Variants in GALNT16 observed in about 807,000 individuals in gnomAD.
GALNT16 encodes the protein polypeptide N-acetylgalactosaminyltransferase 16, also known as UDP-GalNAc:polypeptide N-acetylgalactosaminyltransferase-like protein 1.
Under a neutral mutation model 76.1 loss-of-function variants are expected in GALNT16, and 40 were observed. The observed-to-expected ratio is 0.53, with a 90% CI of 0.41 to 0.68. GALNT16 has a LOEUF of 0.68. Ranked by LOEUF, GALNT16 falls within the 30% of genes least tolerant of loss-of-function variation. The pLI is 0.00. For synonymous variants in GALNT16, 276 were observed against 285.2 expected (o/e 0.97, Z 0.32); for missense variants, 621 against 731.9 (o/e 0.85, Z 1.75).
intron 7 of GALNT16, chr14:69,332,750 C>G (rs1241439630): frequency 8.0e-6 from 2 of 251,052 alleles, no homozygotes; most frequent in Non-Finnish European, 1.5e-5. Context: ...GTCTCTACTC[C>G]AAAGTCACCA....
intron 1 of GALNT16, among the ~76,000 whole-genome samples, chr14:69,263,394 C>T (rs941107498): frequency 6.6e-6 from 1 of 152,144 alleles, no homozygotes. Context: ...TTACTTTCTC[C>T]CTGCAATTTG....
intron 11 of GALNT16, among the ~76,000 whole-genome samples, chr14:69,341,182 G>A (rs1008099800): frequency 6.6e-6 from 1 of 152,164 alleles, no homozygotes; most frequent in Non-Finnish European, 1.5e-5. Flanking sequence ...AGCTGGTGAC[G>A]AGGGCCGTCA....
intron 1 of GALNT16, among the ~76,000 whole-genome samples, chr14:69,304,091 G>A (rs1419383635): frequency 6.6e-6 from 1 of 152,076 alleles, no homozygotes; most frequent in Non-Finnish European, 1.5e-5. Flanking sequence ...ATCAGCTCAC[G>A]TTTAATGATG....
At chr14:69,268,339 A>G (rs2140100820) in intron 1 of GALNT16, among the ~76,000 whole-genome samples, 1 of 152,354 alleles carries the variant, frequency 6.6e-6, no homozygotes, top group East Asian at 1.9e-4. Context: ...AACTGGTTTC[A>G]GTAGTTCAGG....
chr14:69,306,158 G>A (rs930839733), intron 1 of GALNT16, among the ~76,000 whole-genome samples: 9 of 152,304 alleles, frequency 5.9e-5, no homozygotes, highest in African/African-American at 2.2e-4. Context: ...TTTGATGACT[G>A]TAGCTTTGTA....
the GALNT16 span, among the ~76,000 whole-genome samples, chr14:69,380,810 G>A: frequency 2.0e-5 from 3 of 152,152 alleles, no homozygotes; most frequent in Admixed American, 6.5e-5. Flanking sequence ...TAAGTGACAT[G>A]AACTTTATAT....
chr14:69,335,314 C>T (rs919765925), intron 9 of GALNT16, among the ~76,000 whole-genome samples: 4 of 152,144 alleles, frequency 2.6e-5, no homozygotes, highest in African/African-American at 9.7e-5. Context: ...GAGGCTGTTT[C>T]CAGGCAGGGT....
At chr14:69,286,986 G>A (rs1471541021) in intron 1 of GALNT16, among the ~76,000 whole-genome samples, 2 of 152,122 alleles carry the variant, frequency 1.3e-5, no homozygotes, top group African/African-American at 2.4e-5. Flanking sequence ...GTCTACCCCA[G>A]GCCTGCCACA....
intron 1 of GALNT16, among the ~76,000 whole-genome samples, chr14:69,301,810 G>A (rs2044856491): frequency 6.6e-6 from 1 of 152,158 alleles, no homozygotes; most frequent in Non-Finnish European, 1.5e-5. Flanking sequence ...GCAACATGGT[G>A]AAACCTGCTC....
intron 1 of GALNT16, among the ~76,000 whole-genome samples, chr14:69,285,862 C>T (rs2044604122): frequency 6.6e-6 from 1 of 152,192 alleles, no homozygotes; most frequent in African/African-American, 2.4e-5. Context: ...CTTTTCCACA[C>T]TTCTGCTGGC....
At chr14:69,369,614 C>T in the GALNT16 span, among the ~76,000 whole-genome samples, 367 of 152,286 alleles carry the variant, frequency 2.4e-3, 3 homozygotes, top group African/African-American at 8.6e-3. Flanking sequence ...ATGTTGTTGG[C>T]CTCCCCAGCT....
At chr14:69,276,479 G>A (rs1338633624) in intron 1 of GALNT16, among the ~76,000 whole-genome samples, 3 of 152,116 alleles carry the variant, frequency 2.0e-5, no homozygotes, top group Non-Finnish European at 4.4e-5. Flanking sequence ...TCAGGAGATC[G>A]AGACCATCCT....
the GALNT16 span, chr14:69,380,251 T>C: frequency 1.4e-5 from 4 of 285,998 alleles, no homozygotes; most frequent in African/African-American, 8.8e-5. Context: ...AAAGTAGATA[T>C]GAACAGTTGA....
the GALNT16 span, among the ~76,000 whole-genome samples, chr14:69,367,654 A>AAAAAAG: frequency 2.0e-5 from 3 of 151,604 alleles, no homozygotes; most frequent in Admixed American, 2.0e-4. Context: ...CAAAAAAAAA[A>AAAAAAG]AAAAAGAAAA....
intron 3 of GALNT16, 31 bp from the exon 4 acceptor site, chr14:69,325,306 G>A (rs1481089878): frequency 7.0e-7 from 1 of 1,424,390 alleles, no homozygotes; most frequent in South Asian, 1.1e-5. Flanking sequence ...CCTAAATCCA[G>A]GCTCTTTCTC....
chr14:69,320,123 A>G (rs1344187332), intron 1 of GALNT16, among the ~76,000 whole-genome samples: 1 of 152,260 alleles, frequency 6.6e-6, no homozygotes, highest in Non-Finnish European at 1.5e-5. Context: ...GGTTAAGAGC[A>G]TGGGCTTTGG....
intron 1 of GALNT16, among the ~76,000 whole-genome samples, chr14:69,285,086 G>T (rs537149351): frequency 6.9e-6 from 1 of 145,974 alleles, no homozygotes; most frequent in South Asian, 2.2e-4. Flanking sequence ...TTTCGCCCAG[G>T]CTGGAGTGGG....
chr14:69,282,714 G>T (rs2044560712), intron 1 of GALNT16, among the ~76,000 whole-genome samples: 1 of 151,834 alleles, frequency 6.6e-6, no homozygotes, highest in African/African-American at 2.4e-5. Context: ...TGCCCAGGCT[G>T]GAGTGCAGTG....
At chr14:69,339,442 A>G (rs2045456170) in intron 10 of GALNT16, 85 bp from the exon 11 acceptor site, 1 of 834,056 alleles carries the variant, frequency 1.2e-6, no homozygotes, top group East Asian at 2.4e-5. Flanking sequence ...ATCGTCCTGT[A>G]TTCATGGATC....
Sources: gnomAD v4.1 joint callset for allele counts (sites outside exome capture counted in the v4.1 genomes callset) on GRCh38, gnomAD v4.1.1 for gene constraint, MANE v1.5 for transcripts, NCBI Gene and HGNC (gene_info 2026-07-23, HGNC 2026-07-21) for gene names.